RARB: variants seen among roughly 807,000 people sequenced by gnomAD.
The protein encoded by RARB is HBV-activated protein.
Under a neutral mutation model 51.9 loss-of-function variants are expected in RARB, and 17 were observed. The observed-to-expected ratio is 0.33, with a 90% confidence interval of 0.22 to 0.49. The LOEUF (loss-of-function observed/expected upper bound fraction) is 0.49. Among genes scored for constraint, RARB ranks in the 20% least tolerant of loss-of-function variants. The pLI, the probability that RARB is intolerant of heterozygous loss-of-function variation, is 0.99. For synonymous variants in RARB, 215 were observed against 195.4 expected, an observed-to-expected ratio of 1.10 and a Z score of -0.84; for missense variants, 369 against 550.8, an observed-to-expected ratio of 0.67 and a Z score of 3.30.
chr3:25,540,298 G>A (rs1268045449), intron 3 of RARB, among the ~76,000 whole-genome samples: 1 of 152,172 alleles, frequency 6.6e-6, no homozygotes, highest in African/African-American at 2.4e-5. Flanking sequence ...ATGCTTAGTG[G>A]AAGGAAAGCG....
intron 3 of RARB, among the ~76,000 whole-genome samples, chr3:25,506,274 A>AAAG (rs1559440305): frequency 6.7e-6 from 1 of 150,080 alleles, no homozygotes. Flanking sequence ...AAAAAAAAAA[A>AAAG]AACCAGCTCT....
intron 2 of RARB, among the ~76,000 whole-genome samples, chr3:24,918,423 G>C (rs947317198): frequency 6.6e-6 from 1 of 152,204 alleles, no homozygotes; most frequent in East Asian, 1.9e-4. Context: ...AACTGCAAAA[G>C]AGAAAGTGGG....
chr3:25,242,076 T>C (rs111940197), intron 5 of RARB, among the ~76,000 whole-genome samples: 6,540 of 152,332 alleles, frequency 0.043, 287 homozygotes, highest in African/African-American at 0.11. Context: ...ATGAGCTTCT[T>C]TTCATATGTT....
chr3:25,101,736 A>G (rs527969765), intron 3 of RARB, among the ~76,000 whole-genome samples: 1 of 151,234 alleles, frequency 6.6e-6, no homozygotes, highest in Non-Finnish European at 1.5e-5. Flanking sequence ...GGATTGCTGG[A>G]TCAAAATGTG....
intron 3 of RARB, among the ~76,000 whole-genome samples, chr3:25,073,751 A>G (rs963405504): frequency 6.6e-6 from 1 of 152,234 alleles, no homozygotes; most frequent in Non-Finnish European, 1.5e-5. Context: ...CATGGCTACA[A>G]TAAGGATGCC....
intron 4 of RARB, among the ~76,000 whole-genome samples, chr3:25,144,086 G>A (rs1307004667): frequency 6.6e-6 from 1 of 152,170 alleles, no homozygotes; most frequent in Non-Finnish European, 1.5e-5. Context: ...AGACTCACCT[G>A]TTGCTGACAA....
chr3:25,225,193 T>C (rs1235991640), intron 5 of RARB, among the ~76,000 whole-genome samples: 2 of 152,190 alleles, frequency 1.3e-5, no homozygotes, highest in Non-Finnish European at 2.9e-5. Context: ...TTAGGTGCTC[T>C]ATAACACAGG....
chr3:25,019,565 A>G (rs1057370172), intron 2 of RARB, among the ~76,000 whole-genome samples: 12 of 152,166 alleles, frequency 7.9e-5, no homozygotes, highest in African/African-American at 2.9e-4. Flanking sequence ...TTGCATTAAT[A>G]CATGATGTGC....
At chr3:25,028,733 C>G (rs961539590) in intron 2 of RARB, among the ~76,000 whole-genome samples, 1 of 152,142 alleles carries the variant, frequency 6.6e-6, no homozygotes, top group African/African-American at 2.4e-5. Flanking sequence ...CCCACCTCTT[C>G]CTGTGCTTAA....
At chr3:25,176,756 A>T (rs558211306) in intron 5 of RARB, among the ~76,000 whole-genome samples, 1 of 152,250 alleles carries the variant, frequency 6.6e-6, no homozygotes, top group South Asian at 2.1e-4. Context: ...GTTGAGATAT[A>T]TCATATCTAA....
chr3:24,884,814 A>G (rs555883593), intron 2 of RARB, among the ~76,000 whole-genome samples: 1 of 152,310 alleles, frequency 6.6e-6, no homozygotes, highest in East Asian at 1.9e-4. Context: ...ACAGAGGATC[A>G]CTGCAAAAAT....
At chr3:25,528,423 A>T (rs956487766) in intron 3 of RARB, among the ~76,000 whole-genome samples, 26 of 151,982 alleles carry the variant, frequency 1.7e-4, no homozygotes, top group Non-Finnish European at 3.1e-4. Flanking sequence ...GGGACAGGGG[A>T]AATTCCAGCA....
chr3:25,156,161 C>T (rs1037629144), intron 4 of RARB, among the ~76,000 whole-genome samples: 5 of 152,022 alleles, frequency 3.3e-5, no homozygotes, highest in African/African-American at 4.8e-5. Flanking sequence ...CATGTGGTGC[C>T]GAAGAATGTC....
chr3:25,228,217 G>GTTTTTTTT (rs55796125), intron 5 of RARB, among the ~76,000 whole-genome samples: 1 of 105,628 alleles, frequency 9.5e-6, no homozygotes, highest in African/African-American at 3.8e-5. Context: ...GACTTTGAGG[G>GTTTTTTTT]TTTTTTTTTT....
At position 25,301,647 on chromosome 3, in the gene RARB, G is replaced by GC. The variant is rs1704041152; in HGVS notation, c.178+127073dup. Among the ~76,000 whole-genome samples the GC allele has an allele frequency of 2.0e-5, 3 of 152,248 alleles. No individual in the cohort carries two copies. In the South Asian group the frequency reaches 6.2e-4, roughly 32 times the overall value. On this transcript the variant is annotated intron_variant, in intron 5 of 11. Transcript: ENST00000383772. ...CATCTTAAACTGGAAATCTAGCAGA[G>GC]CTTTAGAACACTGAGGATTCTAGAA...
At position 25,500,454 on chromosome 3, in the gene RARB, G is replaced by GTTTTTTTTTTTTTTTTTTTTTTTTTTTT. The variant is rs753321842; in HGVS notation, c.307-701_307-700insTTTTTTTTTTTTTTTTTTTTTTTTTTTT. On this transcript the variant is annotated intron_variant, in intron 2 of 7. Transcript: ENST00000330688. Reference sequence around the variant, plus strand: ...ATAATTTCTTTTTCTTTCTTTTCTTGTTTTTTTTTTTTTTTTTTTTTTTTT... The same window carrying GTTTTTTTTTTTTTTTTTTTTTTTTTTTT: ...ATAATTTCTTTTTCTTTCTTTTCTTGTTTTTTTTTTTTTTTTTTTTTTTTTTTTTTTTTTTTTTTTTTTTTTTTTTTTT... Among the ~76,000 whole-genome samples, 44 of 66,140 alleles carry GTTTTTTTTTTTTTTTTTTTTTTTTTTTT rather than the reference G, an allele frequency of 6.7e-4. 6 individuals are homozygous for GTTTTTTTTTTTTTTTTTTTTTTTTTTTT. The highest frequency in any genetic ancestry group is 1.2e-3 in the East Asian group (2 of 1,610). 43.4% of individuals were successfully genotyped at this position (66,140 alleles called of 152,430 possible).
At chr3:25,192,741 C>A (rs967797394) in intron 5 of RARB, among the ~76,000 whole-genome samples, 2 of 152,008 alleles carry the variant, frequency 1.3e-5, no homozygotes, top group Admixed American at 6.6e-5. Context: ...GACACACACA[C>A]GACAAAACTT....
At chr3:25,006,355 A>T (rs756188951) in intron 2 of RARB, among the ~76,000 whole-genome samples, 6 of 152,188 alleles carry the variant, frequency 3.9e-5, no homozygotes, top group Non-Finnish European at 7.3e-5. Context: ...TTGCAATATG[A>T]TTCATCTTAT....
intron 5 of RARB, among the ~76,000 whole-genome samples, chr3:25,352,663 C>G (rs1309638373): frequency 1.3e-5 from 2 of 152,136 alleles, no homozygotes; most frequent in East Asian, 3.9e-4. Flanking sequence ...CAAAATGGAC[C>G]TATATCATGT....
Sources: allele counts gnomAD v4.1 joint callset (sites outside exome capture counted in the v4.1 genomes callset), GRCh38; gene constraint gnomAD v4.1.1; transcripts MANE v1.5; gene names NCBI Gene and HGNC (gene_info 2026-07-23, HGNC 2026-07-21).